CDH13: variants seen among roughly 807,000 people sequenced by gnomAD.
CDH13 encodes cadherin-13.
In CDH13, 24 loss-of-function variants were observed where a neutral mutation model predicts 63.8. The ratio of observed to expected loss-of-function variants is 0.38; its 90% CI spans 0.27 to 0.53. CDH13 has a LOEUF of 0.53. Ranked by LOEUF, CDH13 falls within the 20% of genes least tolerant of loss-of-function variation. The probability of loss-of-function intolerance (pLI) is 0.85; values close to 1 mark genes in which losing one functional copy is unlikely to be tolerated. For missense variants in CDH13, 1,049 were observed against 903.1 expected, an observed-to-expected ratio of 1.16 and a Z score of -2.07; for synonymous variants, 503 against 355.3, an observed-to-expected ratio of 1.42 and a Z score of -4.67.
intron 5 of CDH13, among the ~76,000 whole-genome samples, chr16:83,270,854 CCTCA>C (rs1298304868): frequency 1.3e-5 from 2 of 151,822 alleles, no homozygotes; most frequent in Non-Finnish European, 2.9e-5. Context: ...TTTTCTCCTT[CCTCA>C]CTCTCTTCTT....
At chr16:83,767,915 G>A (rs1597203883) in intron 11 of CDH13, among the ~76,000 whole-genome samples, 1 of 152,188 alleles carries the variant, frequency 6.6e-6, no homozygotes, top group Middle Eastern at 3.4e-3. Flanking sequence ...TCTAAAAGTA[G>A]GTAGTGGTGA....
At chr16:83,658,918 ATCCTCACCAGCAAGGTCCCATG>A (rs1567491197) in intron 8 of CDH13, among the ~76,000 whole-genome samples, 2 of 109,204 alleles carry the variant, frequency 1.8e-5, no homozygotes, top group African/African-American at 7.3e-5. Flanking sequence ...AAGGTCCCAT[ATCCTCACCAGCAAGGTCCCATG>A]TCCTCACCAC....
intron 5 of CDH13, among the ~76,000 whole-genome samples, chr16:83,219,880 A>G (rs1427890083): frequency 6.6e-6 from 1 of 152,196 alleles, no homozygotes; most frequent in Non-Finnish European, 1.5e-5. Flanking sequence ...TTTGTTTCGG[A>G]ATAAACTGGC....
intron 11 of CDH13, among the ~76,000 whole-genome samples, chr16:83,752,133 G>T (rs1913139585): frequency 6.6e-6 from 1 of 152,238 alleles, no homozygotes. Context: ...GGGTTCTGTA[G>T]TATGTAGAAG....
intron 1 of CDH13, among the ~76,000 whole-genome samples, chr16:82,662,125 T>C (rs1190593716): frequency 2.0e-5 from 3 of 151,098 alleles, no homozygotes; most frequent in African/African-American, 7.3e-5. Flanking sequence ...GTATTCTCCA[T>C]ATTCTCAATG....
At chr16:83,455,631 G>A (rs1004389418) in intron 6 of CDH13, among the ~76,000 whole-genome samples, 20 of 152,022 alleles carry the variant, frequency 1.3e-4, no homozygotes, top group African/African-American at 1.9e-4. Flanking sequence ...TCTGGTATCC[G>A]TCAATCCCTA....
intron 5 of CDH13, among the ~76,000 whole-genome samples, chr16:83,252,697 T>C (rs1419716742): frequency 6.6e-6 from 1 of 152,232 alleles, no homozygotes; most frequent in Admixed American, 6.5e-5. Flanking sequence ...AGACACTTGG[T>C]GGAGATGTTT....
At chr16:82,839,460 T>C (rs1238482850) in intron 1 of CDH13, among the ~76,000 whole-genome samples, 1 of 152,180 alleles carries the variant, frequency 6.6e-6, no homozygotes, top group Non-Finnish European at 1.5e-5. Context: ...AGTGCAGGGT[T>C]TCCTGGGATA....
intron 3 of CDH13, among the ~76,000 whole-genome samples, chr16:83,043,282 G>C (rs942723565): frequency 1.3e-5 from 2 of 151,994 alleles, no homozygotes; most frequent in Non-Finnish European, 2.9e-5. Flanking sequence ...AATTCTTGGG[G>C]GAAAAACTGA....
intron 7 of CDH13, among the ~76,000 whole-genome samples, chr16:83,507,103 C>T (rs2074415686): frequency 6.6e-6 from 1 of 152,198 alleles, no homozygotes; most frequent in Non-Finnish European, 1.5e-5. Context: ...CTCTGTTACC[C>T]CCCAAACCTG....
chr16:83,384,449 G>A (rs2091632629), intron 6 of CDH13, among the ~76,000 whole-genome samples: 1 of 152,212 alleles, frequency 6.6e-6, no homozygotes, highest in Non-Finnish European at 1.5e-5. Context: ...AGGGTCAAGG[G>A]TTAAGCCAAG....
At chr16:83,227,701 C>G (rs1180502306) in intron 5 of CDH13, among the ~76,000 whole-genome samples, 1 of 152,138 alleles carries the variant, frequency 6.6e-6, no homozygotes, top group Non-Finnish European at 1.5e-5. Flanking sequence ...CCAGCTGAGT[C>G]TTCTCTTCCA....
intron 2 of CDH13, among the ~76,000 whole-genome samples, chr16:82,922,306 T>C (rs368173806): frequency 6.6e-6 from 1 of 152,192 alleles, no homozygotes; most frequent in Non-Finnish European, 1.5e-5. Context: ...GGACAACTTT[T>C]CACATAAGTA....
chr16:82,969,843 T>C (rs181808209), intron 2 of CDH13, among the ~76,000 whole-genome samples: 5 of 152,272 alleles, frequency 3.3e-5, no homozygotes, highest in Admixed American at 1.3e-4. Flanking sequence ...TAGCAAACTC[T>C]TCTCTCCAGG....
At chr16:82,996,289 C>T (rs558933920) in intron 2 of CDH13, among the ~76,000 whole-genome samples, 1 of 152,122 alleles carries the variant, frequency 6.6e-6, no homozygotes, top group Non-Finnish European at 1.5e-5. Context: ...AAACCCTCTT[C>T]CTCTCCCAGT....
At chr16:83,420,280 C>T (rs928788615) in intron 6 of CDH13, among the ~76,000 whole-genome samples, 9 of 152,224 alleles carry the variant, frequency 5.9e-5, no homozygotes, top group South Asian at 2.1e-4. Context: ...AGAGCATCAA[C>T]TAAGGTCAGT....
At chr16:83,493,983 G>T (rs1436956935) in intron 7 of CDH13, among the ~76,000 whole-genome samples, 1 of 152,190 alleles carries the variant, frequency 6.6e-6, no homozygotes, top group Non-Finnish European at 1.5e-5. Context: ...ATAAACCTCA[G>T]TCCGTAGGTA....
rs191996221 is a variant in CDH13 at position 83,187,223 on chromosome 16, G to A, written c.484-30122G>A. Reference sequence around the variant, plus strand: ...TGGCCTCAGGTGATCCACCCACCTCGGCTTCCCAGAGTCTGGAATTACAGG... The same window carrying A: ...TGGCCTCAGGTGATCCACCCACCTCAGCTTCCCAGAGTCTGGAATTACAGG... On this transcript the variant is annotated intron_variant, in intron 4 of 13. Coordinates refer to ENST00000567109, the MANE Select transcript of CDH13 (RefSeq NM_001257.5). Among the ~76,000 whole-genome samples, 506 of 152,206 alleles carry A rather than the reference G, an allele frequency of 3.3e-3. 3 individuals carry two copies. Among genetic ancestry groups the A allele is most frequent in the African/African-American group, 0.012 (486 of 41,536 alleles).
intron 2 of CDH13, among the ~76,000 whole-genome samples, chr16:82,961,728 G>C (rs1907037401): frequency 6.6e-6 from 1 of 152,136 alleles, no homozygotes; most frequent in Admixed American, 6.5e-5. Flanking sequence ...CTGGTCTATG[G>C]TACTGTGCTA....
Sources: gnomAD v4.1 joint callset for allele counts (sites outside exome capture counted in the v4.1 genomes callset) on GRCh38, gnomAD v4.1.1 for gene constraint, MANE v1.5 for transcripts, NCBI Gene and HGNC (gene_info 2026-07-23, HGNC 2026-07-21) for gene names.